Variants in CHN1 observed in about 807,000 individuals in gnomAD.
The protein encoded by CHN1 is N-chimaerin.
A neutral mutation model predicts 59.5 loss-of-function variants in CHN1; 37 were observed. That is an observed-to-expected ratio of 0.62 (90% CI 0.48 to 0.82). CHN1 has a LOEUF of 0.82. CHN1 is among the 40% of genes least tolerant of loss of function. CHN1 has a pLI of 0.00. For synonymous variants in CHN1, 206 were observed against 200.4 expected (o/e 1.03, Z -0.24); for missense variants, 469 against 571.0 (o/e 0.82, Z 1.82).
chr2:174,980,144 G>C (rs1691094434), intron 1 of CHN1, among the ~76,000 whole-genome samples: 1 of 152,114 alleles, frequency 6.6e-6, no homozygotes, highest in East Asian at 1.9e-4. Flanking sequence ...AAAAGCTAAT[G>C]CTTTGAGAAT....
chr2:174,854,704 T>C (rs1257653969), intron 6 of CHN1, among the ~76,000 whole-genome samples: 2 of 152,192 alleles, frequency 1.3e-5, no homozygotes, highest in South Asian at 4.1e-4. Flanking sequence ...TGAGATACTA[T>C]GTGGGAAGCA....
At position 174,837,966 on chromosome 2, in the gene CHN1, T is replaced by C. The variant is rs761760345; in HGVS notation, c.627+8914A>G. ...ACAAATGATGAACACCAACTAATGA[T>C]ACTAAGTTTACTGAGATATGGAGTA... On this transcript the variant is annotated intron_variant, in intron 7 of 12. Coordinates refer to ENST00000409900, the MANE Select transcript of CHN1 (RefSeq NM_001822.7). 7.4e-4 allele frequency among the ~76,000 whole-genome samples: 113 copies of C among 152,244 alleles called. 1 individual carries two copies. The highest frequency in any genetic ancestry group is 1.8e-4 in the Non-Finnish European group (12 of 68,044).
intron 5 of CHN1, among the ~76,000 whole-genome samples, chr2:174,901,310 G>A (rs1190596371): frequency 6.6e-6 from 1 of 152,162 alleles, no homozygotes; most frequent in Non-Finnish European, 1.5e-5. Context: ...TGGACATGCT[G>A]GTCGGGCTTC....
chr2:174,809,061 G>C lies in CHN1; in HGVS notation c.965-19C>G. ...TCACCATCTTTTAAGGATGTTGAAA[G>C]AAATAAAAGTAAATATCTGGATTCA... On this transcript the variant is annotated intron_variant, in intron 10 of 12. Transcript: ENST00000409900. The C allele has an allele frequency of 6.3e-7, 1 of 1,590,420 alleles. No individual in the cohort carries two copies. Among genetic ancestry groups the C allele is most frequent in the African/African-American group, 1.3e-5 (1 of 74,430 alleles).
chr2:174,827,819 T>A (rs961444220), intron 7 of CHN1, among the ~76,000 whole-genome samples: 1 of 152,100 alleles, frequency 6.6e-6, no homozygotes, highest in African/African-American at 2.4e-5. Context: ...ACTGGTCTGT[T>A]AAGGGTTTAA....
At chr2:174,935,229 AGCTACC>A (rs1173936405) in intron 3 of CHN1, among the ~76,000 whole-genome samples, 1 of 152,192 alleles carries the variant, frequency 6.6e-6, no homozygotes. Flanking sequence ...GTAAAGGTTG[AGCTACC>A]GCTCCATTCC....
intron 5 of CHN1, among the ~76,000 whole-genome samples, chr2:174,896,470 A>G (rs910307965): frequency 6.6e-6 from 1 of 152,186 alleles, no homozygotes; most frequent in African/African-American, 2.4e-5. Context: ...ATATGGTGAC[A>G]TTTGGCTGGG....
At chr2:174,804,874 G>A (rs568684206) in intron 11 of CHN1, among the ~76,000 whole-genome samples, 1 of 152,162 alleles carries the variant, frequency 6.6e-6, no homozygotes, top group African/African-American at 2.4e-5. Flanking sequence ...TACATCTCCA[G>A]GCTGGAGATA....
Position 174,898,438 on chromosome 2 carries a change from G to GAA in CHN1, c.260+16618_260+16619dup, listed in dbSNP as rs34869691. Among the ~76,000 whole-genome samples, 310 of 130,766 alleles carry GAA rather than the reference G, an allele frequency of 2.4e-3. 2 individuals are homozygous for GAA. The highest frequency in any genetic ancestry group is 4.9e-3 in the African/African-American group (175 of 35,746). The allele number at this position is 130,766 out of a possible 152,430, so 85.8% of individuals were successfully genotyped here. A position where few individuals can be genotyped will look rare whatever the true frequency, so the allele number is the denominator to read the frequency against. The stretch of plus-strand genomic sequence containing the variant: ...AACATGGTGAAATCCCGTCTCTACT[G>GAA]AAAAAAAAAAAAAAAAATAGCTGGG... On this transcript the variant is annotated intron_variant, in intron 5 of 12. Transcript: ENST00000409900.
intron 7 of CHN1, among the ~76,000 whole-genome samples, chr2:174,829,545 TAAAGAAA>T (rs371419468): frequency 5.9e-5 from 9 of 152,336 alleles, no homozygotes; most frequent in African/African-American, 1.9e-4. Flanking sequence ...TATAGGAAGA[TAAAGAAA>T]AATTCACCAT....
intron 7 of CHN1, among the ~76,000 whole-genome samples, chr2:174,836,039 C>T (rs935170113): frequency 3.3e-5 from 5 of 152,194 alleles, no homozygotes; most frequent in Admixed American, 3.3e-4. Flanking sequence ...GCAGCTCTGT[C>T]TCCTCAGGCA....
chr2:174,831,806 T>C (rs1392113951), intron 7 of CHN1, among the ~76,000 whole-genome samples: 1 of 152,164 alleles, frequency 6.6e-6, no homozygotes, highest in East Asian at 1.9e-4. Flanking sequence ...TAAGCTTCAT[T>C]ACTGAGATGA....
At chr2:174,987,833 T>C (rs1168710008) in intron 1 of CHN1, among the ~76,000 whole-genome samples, 1 of 152,160 alleles carries the variant, frequency 6.6e-6, no homozygotes, top group Non-Finnish European at 1.5e-5. Context: ...TGAGACTACA[T>C]ATTTAGATGA....
intron 3 of CHN1, among the ~76,000 whole-genome samples, chr2:174,935,796 G>A (rs1010467243): frequency 1.1e-4 from 17 of 151,980 alleles, no homozygotes; most frequent in African/African-American, 3.1e-4. Flanking sequence ...AGCCAGGCAC[G>A]GCGGTGCACA....
intron 8 of CHN1, among the ~76,000 whole-genome samples, chr2:174,812,793 CA>C (rs971048278): frequency 6.6e-5 from 10 of 151,924 alleles, no homozygotes; most frequent in Admixed American, 1.3e-4. Flanking sequence ...GTCAAATAGC[CA>C]AAAAAAAAAC....
chr2:174,907,749 A>T (rs190811242), intron 5 of CHN1, among the ~76,000 whole-genome samples: 1 of 151,930 alleles, frequency 6.6e-6, no homozygotes, highest in Admixed American at 6.6e-5. Context: ...CATTTTGGTG[A>T]TCATTCTTTT....
intron 6 of CHN1, among the ~76,000 whole-genome samples, chr2:174,874,176 C>T (rs1487326175): frequency 6.6e-6 from 1 of 152,154 alleles, no homozygotes; most frequent in Non-Finnish European, 1.5e-5. Context: ...CTATTGCATT[C>T]AGCCATTGGT....
chr2:174,909,946 T>G (rs1688643883), intron 5 of CHN1, among the ~76,000 whole-genome samples: 1 of 152,172 alleles, frequency 6.6e-6, no homozygotes, highest in Non-Finnish European at 1.5e-5. Context: ...CTTGAAAAGG[T>G]TAAATATACA....
At chr2:174,975,010 A>G (rs1055113361) in intron 1 of CHN1, among the ~76,000 whole-genome samples, 9 of 152,068 alleles carry the variant, frequency 5.9e-5, no homozygotes, top group Non-Finnish European at 1.3e-4. Context: ...AGACAAGGAA[A>G]ATAATGTATG....
Sources: gnomAD v4.1 joint callset for allele counts (sites outside exome capture counted in the v4.1 genomes callset) on GRCh38, gnomAD v4.1.1 for gene constraint, MANE v1.5 for transcripts, NCBI Gene and HGNC (gene_info 2026-07-23, HGNC 2026-07-21) for gene names.